Variants in TNRC18 observed in about 807,000 individuals in gnomAD.
The protein encoded by TNRC18 is trinucleotide repeat-containing gene 18 protein.
In TNRC18, 69 loss-of-function variants were observed where a neutral mutation model predicts 226.7. That is an observed-to-expected ratio of 0.30 (90% CI 0.25 to 0.37). The LOEUF (loss-of-function observed/expected upper bound fraction) is 0.37, where lower values mean the gene tolerates loss of function less well. Among genes scored for constraint, TNRC18 ranks in the 10% least tolerant of loss-of-function variants. The probability of loss-of-function intolerance (pLI) is 1.00; values close to 1 mark genes in which losing one functional copy is unlikely to be tolerated. For missense variants in TNRC18, 4,754 were observed against 4,256.6 expected (o/e 1.12, Z -3.25); for synonymous variants, 2,449 against 1,927.6 (o/e 1.27, Z -7.09).
intron 2 of TNRC18, among the ~76,000 whole-genome samples, chr7:5,418,313 C>T (rs1270042353): frequency 6.6e-6 from 1 of 152,170 alleles, no homozygotes; most frequent in Non-Finnish European, 1.5e-5. Flanking sequence ...TTCCCTGATC[C>T]CAAACCCCAT....
chr7:5,380,184 G>A (rs761550125), intron 5 of TNRC18, among the ~76,000 whole-genome samples: 16 of 152,116 alleles, frequency 1.1e-4, no homozygotes, highest in Non-Finnish European at 2.2e-4. Context: ...AATGGCTCAC[G>A]CCTGTAATCC....
chr7:5,352,327 T>C (rs938555135), intron 16 of TNRC18, among the ~76,000 whole-genome samples: 1 of 152,152 alleles, frequency 6.6e-6, no homozygotes, highest in African/African-American at 2.4e-5. Flanking sequence ...TTCCGAGTGC[T>C]GGACCCAGGC....
At chr7:5,335,546 A>G (rs1790008509) in intron 18 of TNRC18, among the ~76,000 whole-genome samples, 1 of 149,678 alleles carries the variant, frequency 6.7e-6, no homozygotes, top group South Asian at 2.1e-4. Context: ...CAGAGGTTGC[A>G]GTGAGCTGAG....
chr7:5,308,166 G>A lies in TNRC18; in HGVS notation c.8847C>T (p.Gly2949=). The A allele has an allele frequency of 1.3e-6, 2 of 1,584,382 alleles. No homozygotes were observed. The highest frequency in any genetic ancestry group is 1.7e-6 in the Non-Finnish European group (2 of 1,166,412). ...QDSEGLYYLA[G]TYEPTTGMIF... Reference sequence around the variant, plus strand: ...TCATGCCCGTGGTGGGCTCGTAGGTGCCCGCGAGGTAGTACAGGCCCTCGC... The same window carrying A: ...TCATGCCCGTGGTGGGCTCGTAGGTACCCGCGAGGTAGTACAGGCCCTCGC... Residue 2949 remains glycine, a synonymous_variant, in exon 30 of 30, where the codon GGC becomes GGT. Transcript: ENST00000430969.
intron 2 of TNRC18, among the ~76,000 whole-genome samples, chr7:5,399,236 T>C (rs1392065246): frequency 1.3e-5 from 2 of 152,128 alleles, no homozygotes; most frequent in African/African-American, 2.4e-5. Flanking sequence ...CAGAGCTCAC[T>C]GGCCTCTCGA....
At chr7:5,376,291 G>T (rs1477144142) in intron 8 of TNRC18, 67 bp from the exon 9 acceptor site, 1 of 1,323,608 alleles carries the variant, frequency 7.6e-7, no homozygotes, top group Non-Finnish European at 1.0e-6. Context: ...CATTACGAGG[G>T]GAAGCTGAAG....
intron 15 of TNRC18, 98 bp from the exon 16 acceptor site, chr7:5,357,374 A>G: frequency 7.6e-7 from 1 of 1,312,674 alleles, no homozygotes; most frequent in Non-Finnish European, 1.0e-6. Flanking sequence ...CCAATCCTTC[A>G]CCTGCCTCTG....
intron 16 of TNRC18, among the ~76,000 whole-genome samples, chr7:5,355,658 G>A (rs1253965341): frequency 6.6e-6 from 1 of 152,136 alleles, no homozygotes; most frequent in African/African-American, 2.4e-5. Context: ...GGTTCAGAGG[G>A]GAGGATTGCT....
At chr7:5,389,978 A>C in intron 4 of TNRC18, 1 of 175,202 alleles carries the variant, frequency 5.7e-6, no homozygotes, top group Non-Finnish European at 1.2e-5. Flanking sequence ...CGGAAGGCCT[A>C]GCAGGGCCCC....
intron 2 of TNRC18, among the ~76,000 whole-genome samples, chr7:5,406,253 A>G (rs1362779041): frequency 6.6e-6 from 1 of 151,688 alleles, no homozygotes; most frequent in African/African-American, 2.4e-5. Context: ...ATTCGAAGTC[A>G]GGAGTTGGAG....
intron 18 of TNRC18, among the ~76,000 whole-genome samples, chr7:5,335,561 C>T (rs1402855763): frequency 6.1e-5 from 9 of 148,186 alleles, no homozygotes; most frequent in Admixed American, 2.7e-4. Flanking sequence ...GCTGAGATCG[C>T]GCCACTGCAC....
chr7:5,410,860 C>CAAAAAA (rs34320785), intron 2 of TNRC18, among the ~76,000 whole-genome samples: 44 of 37,080 alleles, frequency 1.2e-3, no homozygotes, highest in African/African-American at 2.6e-3. Flanking sequence ...GACTCCATCT[C>CAAAAAA]AAAAAAAAAA....
At position 5,376,160 on chromosome 7, in the gene TNRC18, G is replaced by C; in HGVS notation, c.2673C>G (p.Ser891Arg). ...LWPALYPPGRSPLHHAQQLQL... is the reference protein window; with the variant it reads ...LWPALYPPGRRPLHHAQQLQL... The stretch of plus-strand genomic sequence containing the variant: ...GCAGCTGCTGGGCGTGGTGCAGGGG[G>C]CTGCGGCCCGGCGGGTACAGGGCGG... The change falls in exon 9 of 30, where the codon AGC (serine) becomes AGG (arginine). Residue 891 changes from serine (S) to arginine (R), a missense_variant. Physicochemically the swap from Ser to Arg is moderately radical, Grantham distance 110 (BLOSUM62 -1). Transcript: ENST00000430969. 1 of 1,579,342 alleles carries C rather than the reference G, an allele frequency of 6.3e-7. No individual in the cohort carries two copies.
At chr7:5,392,112 T>C (rs117264674) in intron 3 of TNRC18, among the ~76,000 whole-genome samples, 1,653 of 152,162 alleles carry the variant, frequency 0.011, 12 homozygotes, top group Admixed American at 0.016. Context: ...AATCATGCCA[T>C]TGACAACACC....
Position 5,388,982 on chromosome 7 carries a change from A to G in TNRC18, c.842T>C (p.Leu281Pro), listed in dbSNP as rs2128194879. 2 of 1,374,970 alleles carry G rather than the reference A, an allele frequency of 1.5e-6. No homozygotes were observed. Among genetic ancestry groups the G allele is most frequent in the Admixed American group, 3.6e-5 (1 of 27,762 alleles). 85.2% of individuals were successfully genotyped at this position (1,374,970 alleles called of 1,614,324 possible). The change falls in exon 5 of 30, where the codon CTG becomes CCG. Residue 281 changes from leucine to proline, a missense_variant. Transcript: ENST00000430969. ...CCCGGCGCCGCCGTTGCACATGGTC[A>G]GTACCGACGGCTGCAGCGCCGCATT... ...TKNAALQPSV[L>P]TMCNGGAGDV...
At chr7:5,418,715 G>A (rs1225567267) in intron 2 of TNRC18, among the ~76,000 whole-genome samples, 6 of 152,232 alleles carry the variant, frequency 3.9e-5, no homozygotes, top group African/African-American at 7.2e-5. Context: ...CCAAGGAAGA[G>A]AGGGAGGTGC....
rs1403528229 is a variant in TNRC18 at position 5,307,598 on chromosome 7, C to T, written c.*508G>A. The T allele has an allele frequency of 4.5e-6, 2 of 445,620 alleles. No homozygotes were observed. The highest frequency in any genetic ancestry group is 9.0e-6 in the Non-Finnish European group (2 of 221,908). The allele number at this position is 445,620 out of a possible 1,614,324, so 27.6% of individuals were successfully genotyped here. ...GTGGGGGCAGGGCCCCTGGCACAGT[C>T]AGGTAGGCCAGCTGGCATCGGGCTG... On this transcript the variant is annotated 3_prime_UTR_variant, in exon 30 of 30. Coordinates refer to ENST00000430969, the MANE Select transcript of TNRC18 (RefSeq NM_001080495.3).
intron 2 of TNRC18, chr7:5,420,396 G>T (rs1230528024): frequency 2.2e-6 from 1 of 456,178 alleles, no homozygotes; most frequent in Non-Finnish European, 4.4e-6. Flanking sequence ...CCTCTTTCGC[G>T]CTGGAAAACA....
At chr7:5,379,249 G>T (rs1439779971) in intron 5 of TNRC18, among the ~76,000 whole-genome samples, 1 of 151,924 alleles carries the variant, frequency 6.6e-6, no homozygotes, top group African/African-American at 2.4e-5. Context: ...AATTAGGCGG[G>T]CATGGTGGCA....
Sources: gnomAD v4.1 joint callset for allele counts (sites outside exome capture counted in the v4.1 genomes callset) on GRCh38, gnomAD v4.1.1 for gene constraint, MANE v1.5 for transcripts, NCBI Gene and HGNC (gene_info 2026-07-23, HGNC 2026-07-21) for gene names.